Variants in PRNP observed in about 807,000 individuals in gnomAD.
The protein encoded by PRNP is major prion protein.
PRNP carries 15 observed loss-of-function variants against 21.3 expected under a neutral mutation model. The ratio of observed to expected loss-of-function variants is 0.71; its 90% confidence interval spans 0.47 to 1.09. PRNP has a LOEUF of 1.09. Among genes scored for constraint, PRNP ranks in the 50% least tolerant of loss-of-function variants. The pLI is 0.00. For synonymous variants in PRNP, 121 were observed against 123.1 expected, an observed-to-expected ratio of 0.98 and a Z score of 0.11; for missense variants, 285 against 340.9, an observed-to-expected ratio of 0.84 and a Z score of 1.29.
rs1000933016 is a variant in PRNP, at chr20:4,701,353, G to A, written c.*1371G>A. The A allele has an allele frequency of 1.8e-5, 3 of 167,028 alleles. No homozygotes were observed. The highest frequency in any genetic ancestry group is 6.5e-5 in the Admixed American group (1 of 15,284). The allele number at this position is 167,028 out of a possible 1,614,324, so 10.3% of individuals were successfully genotyped here. A position where few individuals can be genotyped will look rare whatever the true frequency, so the allele number is the denominator to read the frequency against. Reference sequence around the variant, plus strand: ...TGAAGTGTCTAATGCATTAACTTTTGTAAGGTACTGAATACTTAATATGTG... The same window carrying A: ...TGAAGTGTCTAATGCATTAACTTTTATAAGGTACTGAATACTTAATATGTG... On this transcript the variant is annotated 3_prime_UTR_variant, in exon 2 of 2. Transcript: ENST00000379440. The surrounding 1 kb of genome is among the most constrained non-coding windows in gnomAD (Gnocchi z 4.2).
chr20:4,692,234 C>G (rs926604201), intron 1 of PRNP, among the ~76,000 whole-genome samples: 1 of 152,134 alleles, frequency 6.6e-6, no homozygotes, highest in African/African-American at 2.4e-5. Flanking sequence ...AGCTTGCCTA[C>G]TACTTATTTT....
intron 1 of PRNP, among the ~76,000 whole-genome samples, chr20:4,694,458 T>C (rs1922040250): frequency 6.6e-6 from 1 of 152,204 alleles, no homozygotes. Context: ...AGACAATCCA[T>C]CTCAGAGATA....
At chr20:4,694,822 T>C (rs1235702146) in intron 1 of PRNP, among the ~76,000 whole-genome samples, 2 of 151,954 alleles carry the variant, frequency 1.3e-5, no homozygotes, top group Admixed American at 1.3e-4. Context: ...CTTTAAAAGA[T>C]TTTTTTTGTG....
chr20:4,687,915 A>C (rs564430035), intron 1 of PRNP, among the ~76,000 whole-genome samples: 36 of 152,342 alleles, frequency 2.4e-4, no homozygotes, highest in African/African-American at 8.4e-4. Context: ...CTTCTGGAAA[A>C]ATCAACAACG....
At chr20:4,687,132 G>A (rs552583374) in intron 1 of PRNP, among the ~76,000 whole-genome samples, 5 of 152,290 alleles carry the variant, frequency 3.3e-5, no homozygotes, top group Admixed American at 6.5e-5. Context: ...GTTCCTCCCG[G>A]GAGGCGGCCC....
intron 1 of PRNP, among the ~76,000 whole-genome samples, chr20:4,696,029 C>G (rs1156880507): frequency 6.6e-6 from 1 of 152,198 alleles, no homozygotes; most frequent in Non-Finnish European, 1.5e-5. Flanking sequence ...CTGAGCTTTA[C>G]CGTCCAGTCT....
rs1239338677 is a variant in PRNP at position 4,700,132 on chromosome 20, A to G, written c.*150A>G. 9.7e-6 allele frequency: 15 copies of G among 1,548,670 alleles called. No individual in the cohort carries two copies. Among genetic ancestry groups the G allele is most frequent in the Non-Finnish European group, 1.3e-5 (15 of 1,146,104 alleles). ...ATCAATACCCTTGGCACTGATGGGC[A>G]CTGGAAAACATAGAGTAGACCTGAG... On this transcript the variant is annotated 3_prime_UTR_variant, in exon 2 of 2. Transcript: ENST00000379440. The surrounding 1 kb of genome is among the most constrained non-coding windows in gnomAD (Gnocchi z 4.1).
rs1922493540 is a variant in PRNP, at chr20:4,699,984, G to A, written c.*2G>A. 2 of 1,605,656 alleles carry A rather than the reference G, an allele frequency of 1.2e-6. No homozygotes were observed. The highest frequency in any genetic ancestry group is 8.5e-7 in the Non-Finnish European group (1 of 1,175,786). ...CTCATCTTCCTGATAGTGGGATGAGGAAGGTCTTCCTGTTTTCACCATCTT... is the reference window on the plus strand; with the variant it reads ...CTCATCTTCCTGATAGTGGGATGAGAAAGGTCTTCCTGTTTTCACCATCTT... On this transcript the variant is annotated 3_prime_UTR_variant, in exon 2 of 2. Transcript: ENST00000379440. The surrounding 1 kb of genome is among the most constrained non-coding windows in gnomAD (Gnocchi z 5.8).
chr20:4,692,950 T>C (rs1921926198), intron 1 of PRNP, among the ~76,000 whole-genome samples: 1 of 152,196 alleles, frequency 6.6e-6, no homozygotes, highest in South Asian at 2.1e-4. Context: ...CCCAAATGTT[T>C]ATCTCTACTG....
chr20:4,690,451 G>A (rs141346482), intron 1 of PRNP, among the ~76,000 whole-genome samples: 1 of 152,108 alleles, frequency 6.6e-6, no homozygotes, highest in Admixed American at 6.6e-5. Flanking sequence ...TAAGATGAAC[G>A]GGGTAATTTA....
chr20:4,689,852 G>A (rs1792410745), intron 1 of PRNP, among the ~76,000 whole-genome samples: 1 of 152,020 alleles, frequency 6.6e-6, no homozygotes, highest in Middle Eastern at 3.4e-3. Flanking sequence ...AGTATTGTGT[G>A]ATCACTTTAA....
At chr20:4,690,264 T>C (rs1921739057) in intron 1 of PRNP, among the ~76,000 whole-genome samples, 1 of 152,186 alleles carries the variant, frequency 6.6e-6, no homozygotes, top group African/African-American at 2.4e-5. Context: ...GGTCGGGGGT[T>C]GTTTGACATT....
intron 1 of PRNP, among the ~76,000 whole-genome samples, chr20:4,687,376 A>T (rs1281764569): frequency 6.6e-6 from 1 of 152,140 alleles, no homozygotes; most frequent in Non-Finnish European, 1.5e-5. Flanking sequence ...TTGGCCAGTC[A>T]CATTCCTCCC....
Position 4,699,667 on chromosome 20 carries a change from C to T in PRNP, c.447C>T (p.Tyr149=). The T allele has an allele frequency of 6.2e-7, 1 of 1,614,106 alleles. No homozygotes were observed. Among genetic ancestry groups the T allele is most frequent in the South Asian group, 1.1e-5 (1 of 91,074 alleles). ...TCGGCAGTGACTATGAGGACCGTTA[C>T]TATCGTGAAAACATGCACCGTTACC... ...IHFGSDYEDR[Y]YRENMHRYPN... is the part of the protein sequence containing the mutation. The change falls in exon 2 of 2, where the codon TAC becomes TAT. Residue 149 remains tyrosine, a synonymous_variant. Transcript: ENST00000379440. This position sits in a 1 kb window ranked among gnomAD's most constrained non-coding sequence, Gnocchi z 5.8.
At chr20:4,693,116 G>T (rs1406931082) in intron 1 of PRNP, among the ~76,000 whole-genome samples, 1 of 152,002 alleles carries the variant, frequency 6.6e-6, no homozygotes, top group Non-Finnish European at 1.5e-5. Flanking sequence ...TGGCATCACC[G>T]CCATCTCCCT....
At position 4,699,270 on chromosome 20, in the gene PRNP, G is replaced by C. The variant is rs368154579; in HGVS notation, c.50G>C (p.Ser17Thr). 2.8e-5 allele frequency: 45 copies of C among 1,613,978 alleles called. 1 individual carries two copies. The highest frequency in any genetic ancestry group is 2.9e-5 in the Non-Finnish European group (34 of 1,180,058). The change falls in exon 2 of 2, where the codon AGT becomes ACT. Residue 17 changes from serine to threonine, a missense_variant. Transcript: ENST00000379440. This position sits in a 1 kb window ranked among gnomAD's most constrained non-coding sequence, Gnocchi z 5.8. Reference sequence around the variant, plus strand: ...CTGGTTCTCTTTGTGGCCACATGGAGTGACCTGGGCCTCTGCAAGAAGCGC... The same window carrying C: ...CTGGTTCTCTTTGTGGCCACATGGACTGACCTGGGCCTCTGCAAGAAGCGC... ...WMLVLFVATW[S>T]DLGLCKKRPK...
Position 4,699,520 on chromosome 20 carries a change from C to T in PRNP, c.300C>T (p.Asn100=). 3 of 1,613,876 alleles carry T rather than the reference C, an allele frequency of 1.9e-6. No homozygotes were observed. Among genetic ancestry groups the T allele is most frequent in the Non-Finnish European group, 2.5e-6 (3 of 1,179,886 alleles). ...GAGGTGGCACCCACAGTCAGTGGAA[C>T]AAGCCGAGTAAGCCAAAAACCAACA... ...GQGGGTHSQW[N]KPSKPKTNMK... Residue 100 remains asparagine, a synonymous_variant, in exon 2 of 2, where the codon AAC becomes AAT. Coordinates refer to ENST00000379440, the MANE Select transcript of PRNP (RefSeq NM_000311.5). This position sits in a 1 kb window ranked among gnomAD's most constrained non-coding sequence, Gnocchi z 5.8.
Position 4,700,265 on chromosome 20 carries a change from G to C in PRNP, c.*283G>C, listed in dbSNP as rs1429919042. ...ATTGGTTAATCTGGACTTATTTTTG[G>C]ACTTAGTGCAACAGGTTGAGGCTAA... On this transcript the variant is annotated 3_prime_UTR_variant, in exon 2 of 2. Coordinates refer to ENST00000379440, the MANE Select transcript of PRNP (RefSeq NM_000311.5). The surrounding 1 kb of genome is among the most constrained non-coding windows in gnomAD (Gnocchi z 4.1). 13 of 946,160 alleles carry C rather than the reference G, an allele frequency of 1.4e-5. No individual in the cohort carries two copies. Among genetic ancestry groups the C allele is most frequent in the Non-Finnish European group, 1.9e-5 (12 of 628,160 alleles). 58.6% of individuals were successfully genotyped at this position (946,160 alleles called of 1,614,324 possible).
At chr20:4,690,641 T>C (rs565834159) in intron 1 of PRNP, among the ~76,000 whole-genome samples, 1 of 152,358 alleles carries the variant, frequency 6.6e-6, no homozygotes, top group African/African-American at 2.4e-5. Context: ...TTTCATAATG[T>C]CTTTTAAAAT....
Sources: gnomAD v4.1 joint callset for allele counts (sites outside exome capture counted in the v4.1 genomes callset) on GRCh38, gnomAD v4.1.1 for gene constraint, Gnocchi (gnomAD v3.1) non-coding constraint, MANE v1.5 for transcripts, NCBI Gene and HGNC (gene_info 2026-07-23, HGNC 2026-07-21) for gene names.